YTHDF1: variants seen among roughly 807,000 people sequenced by gnomAD.
The protein encoded by YTHDF1 is YTH domain-containing family protein 1.
A neutral mutation model predicts 49.1 loss-of-function variants in YTHDF1; 16 were observed. The observed-to-expected ratio is 0.33, with a 90% CI of 0.22 to 0.49. The LOEUF (loss-of-function observed/expected upper bound fraction) is 0.49. Among genes scored for constraint, YTHDF1 ranks in the 20% least tolerant of loss-of-function variants. YTHDF1 has a pLI of 0.99. For missense variants in YTHDF1, 621 were observed against 744.3 expected (o/e 0.83, Z 1.93); for synonymous variants, 313 against 290.1 (o/e 1.08, Z -0.80).
rs544087288 is a variant in YTHDF1 at position 63,205,287 on chromosome 20, C to T, written c.133-1480G>A. Among the ~76,000 whole-genome samples the T allele has an allele frequency of 1.2e-3, 179 of 152,300 alleles. 1 individual carries two copies. Among genetic ancestry groups the T allele is most frequent in the Non-Finnish European group, 2.2e-3 (149 of 68,032 alleles). On this transcript the variant is annotated intron_variant, in intron 3 of 4. Transcript: ENST00000370339. ...ATGAGGGAGACTGTGGGATCCCAGA[C>T]AATGAAACAGGCCTGCTTCACTGGA...
chr20:63,215,776 GA>G, intron 1 of YTHDF1, 89 bp downstream of exon 1: 1 of 1,388,528 alleles, frequency 7.2e-7, no homozygotes. Flanking sequence ...CGGCCTCCGC[GA>G]CCCCGGGCTC....
At position 63,204,145 on chromosome 20, in the gene YTHDF1, C is replaced by T. The variant is rs117886238; in HGVS notation, c.133-338G>A. Reference sequence around the variant, plus strand: ...AGGAATCCAGAGGTAGAGGAGTAAACCCCTGCCTGCTGACGACAACGCTTA... The same window carrying T: ...AGGAATCCAGAGGTAGAGGAGTAAATCCCTGCCTGCTGACGACAACGCTTA... On this transcript the variant is annotated intron_variant, in intron 3 of 4. Transcript: ENST00000370339. Among the ~76,000 whole-genome samples, 1,359 of 152,300 alleles carry T rather than the reference C, an allele frequency of 8.9e-3. 11 individuals are homozygous for T. The highest frequency in any genetic ancestry group is 0.014 in the Non-Finnish European group (977 of 68,028).
chr20:63,213,577 C>T (rs990622956), intron 3 of YTHDF1, among the ~76,000 whole-genome samples: 1 of 152,164 alleles, frequency 6.6e-6, no homozygotes, highest in Non-Finnish European at 1.5e-5. Context: ...ACCTCCACTG[C>T]GTCAAAGGCA....
chr20:63,195,800 A>G lies in YTHDF1; in HGVS notation c.*908T>C, dbSNP rs1458798875. Reference sequence around the variant, plus strand: ...AAAAAGTTTTGTTTTGTTTTTACCCATTCAACAGGAAAAAAAATTAGACAC... The same window carrying G: ...AAAAAGTTTTGTTTTGTTTTTACCCGTTCAACAGGAAAAAAAATTAGACAC... On this transcript the variant is annotated 3_prime_UTR_variant, in exon 5 of 5. Coordinates refer to ENST00000370339, the MANE Select transcript of YTHDF1 (RefSeq NM_017798.4). 6.6e-6 allele frequency: 1 copy of G among 152,208 alleles called. No individual in the cohort carries two copies. The highest frequency in any genetic ancestry group is 6.5e-5 in the Admixed American group (1 of 15,274). 9.4% of individuals were successfully genotyped at this position (152,208 alleles called of 1,614,324 possible).
At chr20:63,199,933 G>A (rs545524399) in intron 4 of YTHDF1, among the ~76,000 whole-genome samples, 2 of 152,128 alleles carry the variant, frequency 1.3e-5, no homozygotes, top group African/African-American at 2.4e-5. Context: ...GGTGGTGCAC[G>A]CCTGTAGCTA....
At position 63,195,891 on chromosome 20, in the gene YTHDF1, TA is replaced by T. The variant is rs2066490292; in HGVS notation, c.*816del. The T allele has an allele frequency of 6.6e-6, 1 of 152,254 alleles. No homozygotes were observed. Among genetic ancestry groups the T allele is most frequent in the South Asian group, 2.1e-4 (1 of 4,836 alleles). The allele number at this position is 152,254 out of a possible 1,614,324, so 9.4% of individuals were successfully genotyped here. A position where few individuals can be genotyped will look rare whatever the true frequency, so the allele number is the denominator to read the frequency against. Reference sequence around the variant, plus strand: ...TGTCTGTACTACCAGATCCTACACTTAAAGCTCAGCATTATTGGTATAAAAA... The same window carrying T: ...TGTCTGTACTACCAGATCCTACACTTAAGCTCAGCATTATTGGTATAAAAA... On this transcript the variant is annotated 3_prime_UTR_variant, in exon 5 of 5. Coordinates refer to ENST00000370339, the MANE Select transcript of YTHDF1 (RefSeq NM_017798.4).
In YTHDF1 at chr20:63,203,785, C is replaced by T; in HGVS notation, c.155G>A (p.Ser52Asn). Residue 52 changes from serine to asparagine, a missense_variant, in exon 4 of 5, where the codon AGC becomes AAC. By Grantham distance (46) the Ser-to-Asn change is conservative. Transcript: ENST00000370339. The surrounding 1 kb of genome is among the most constrained non-coding windows in gnomAD (Gnocchi z 4.4). ...SNQSNSYPSM[S>N]DPYLSSYYPP... Reference sequence around the variant, plus strand: ...GTAATAGCTGGACAGGTAGGGGTCGCTCATTGAGGGGTAACTGTTACTCTG... The same window carrying T: ...GTAATAGCTGGACAGGTAGGGGTCGTTCATTGAGGGGTAACTGTTACTCTG... 6.2e-7 allele frequency: 1 copy of T among 1,606,158 alleles called. No homozygotes were observed. The highest frequency in any genetic ancestry group is 8.5e-7 in the Non-Finnish European group (1 of 1,173,428).
At chr20:63,207,693 C>T (rs1024044864) in intron 3 of YTHDF1, among the ~76,000 whole-genome samples, 1 of 151,982 alleles carries the variant, frequency 6.6e-6, no homozygotes, top group Non-Finnish European at 1.5e-5. Flanking sequence ...GGAGAACTGA[C>T]GACCTCATCG....
intron 3 of YTHDF1, among the ~76,000 whole-genome samples, chr20:63,207,441 C>G (rs1471471749): frequency 6.6e-6 from 1 of 151,912 alleles, no homozygotes; most frequent in Non-Finnish European, 1.5e-5. Flanking sequence ...TGCACTCCAG[C>G]CTGGGTGACA....
rs2066523743 is a variant in YTHDF1, at chr20:63,202,772, G to A, written c.1168C>T (p.Arg390Cys). The A allele has an allele frequency of 1.9e-6, 3 of 1,614,108 alleles. No individual in the cohort carries two copies. Among genetic ancestry groups the A allele is most frequent in the South Asian group, 1.1e-5 (1 of 91,084 alleles). Residue 390 changes from arginine to cysteine, a missense_variant, in exon 4 of 5, where the codon CGT becomes TGT. This residue lies in a region of YTHDF1 where 151 missense variants were observed against 248.5 expected (regional missense o/e 0.61). Coordinates refer to ENST00000370339, the MANE Select transcript of YTHDF1 (RefSeq NM_017798.4). Reference protein sequence around the residue: ...KEFEWNLKSGRVFIIKSYSED... With the variant: ...KEFEWNLKSGCVFIIKSYSED... ...GAGTAGCTCTTGATGATGAACACAC[G>A]CCCGCTTTTCAGATTCCACTCAAAC...
chr20:63,215,232 C>T (rs1196180855), intron 2 of YTHDF1, among the ~76,000 whole-genome samples: 1 of 152,182 alleles, frequency 6.6e-6, no homozygotes, highest in Non-Finnish European at 1.5e-5. Context: ...CTTGGACTGC[C>T]CCTCTCCTAG....
At chr20:63,212,022 GA>G (rs1430152155) in intron 3 of YTHDF1, among the ~76,000 whole-genome samples, 1 of 149,944 alleles carries the variant, frequency 6.7e-6, no homozygotes, top group Non-Finnish European at 1.5e-5. Flanking sequence ...TAAGTGTACT[GA>G]TGCAACCTCC....
Position 63,203,634 on chromosome 20 carries a change from A to G in YTHDF1, c.306T>C (p.Asp102=), listed in dbSNP as rs764478912. ...LSNGDHHFMH[D]AVFGQPGGLG... ...GGCCCCCAGGCTGCCCAAAAACAGC[A>G]TCGTGCATAAAATGATGGTCTCCGT... The change falls in exon 4 of 5, where the codon GAT becomes GAC. Residue 102 remains aspartate, a synonymous_variant. Transcript: ENST00000370339. This position sits in a 1 kb window ranked among gnomAD's most constrained non-coding sequence, Gnocchi z 4.4. The G allele has an allele frequency of 1.5e-5, 24 of 1,614,082 alleles. No homozygotes were observed. In the African/African-American group the frequency reaches 2.3e-4, roughly 15 times the overall value.
At chr20:63,213,969 A>G in intron 2 of YTHDF1, 26 bp from the exon 3 acceptor site, 12 of 1,566,544 alleles carry the variant, frequency 7.7e-6, no homozygotes, top group Non-Finnish European at 1.0e-5. Context: ...GCAAAATATT[A>G]CCCTCAAATT....
At chr20:63,215,470 C>A in intron 2 of YTHDF1, 107 bp downstream of exon 2, 1 of 1,482,412 alleles carries the variant, frequency 6.7e-7, no homozygotes, top group Non-Finnish European at 9.3e-7. Context: ...CTCCCTGAAG[C>A]TGGCGGAAGA....
At position 63,202,300 on chromosome 20, in the gene YTHDF1, T is replaced by A. The variant is rs749778238; in HGVS notation, c.1640A>T (p.Glu547Val). The change falls in exon 4 of 5, where the codon GAG (glutamate) becomes GTG (valine). Residue 547 changes from glutamate (E) to valine (V), a missense_variant. Coordinates refer to ENST00000370339, the MANE Select transcript of YTHDF1 (RefSeq NM_017798.4). ...AHYEKRQEEE[E>V]VVRKERQSRN... ...ACCCAGCCTCACCTTGCGCACCACCTCCTCCTCCTCCTGGCGCTTCTCGTA... is the reference window on the plus strand; with the variant it reads ...ACCCAGCCTCACCTTGCGCACCACCACCTCCTCCTCCTGGCGCTTCTCGTA... 41 of 1,606,110 alleles carry A rather than the reference T, an allele frequency of 2.6e-5. No individual in the cohort carries two copies. Among genetic ancestry groups the A allele is most frequent in the Non-Finnish European group, 3.5e-5 (41 of 1,175,104 alleles).
chr20:63,214,212 AG>A lies in YTHDF1; in HGVS notation c.53-270del, dbSNP rs1373464616. ...AAATCAAGTGTTAACACATAATGCA[AG>A]GAACACATAACCAGGGTGAAAACTG... On this transcript the variant is annotated intron_variant, in intron 2 of 4. Coordinates refer to ENST00000370339, the MANE Select transcript of YTHDF1 (RefSeq NM_017798.4). The A allele has an allele frequency of 5.7e-6, 4 of 703,068 alleles. No homozygotes were observed. In the African/African-American group the frequency reaches 5.8e-5, roughly 10 times the overall value. The allele number at this position is 703,068 out of a possible 1,614,324, so 43.6% of individuals were successfully genotyped here.
At chr20:63,197,932 A>C (rs1421733108) in intron 4 of YTHDF1, among the ~76,000 whole-genome samples, 2 of 152,154 alleles carry the variant, frequency 1.3e-5, no homozygotes, top group African/African-American at 2.4e-5. Context: ...GCACTGGAAT[A>C]AACACCAGCC....
At position 63,202,970 on chromosome 20, in the gene YTHDF1, G is replaced by A; in HGVS notation, c.970C>T (p.Pro324Ser). Residue 324 changes from proline to serine, a missense_variant, in exon 4 of 5, where the codon CCC becomes TCC. Transcript: ENST00000370339. The stretch of plus-strand genomic sequence containing the variant: ...CGTGGGGCAACCCAGCGGGTCTGGG[G>A]TGGCTGCTGAGGGCTCTGATACTGC... ...QPQYQSPQQP[P>S]QTRWVAPRNR... is the part of the protein sequence containing the mutation. 1 of 1,613,810 alleles carries A rather than the reference G, an allele frequency of 6.2e-7. No homozygotes were observed. Among genetic ancestry groups the A allele is most frequent in the African/African-American group, 1.3e-5 (1 of 75,076 alleles).
Sources: gnomAD v4.1 joint callset for allele counts (sites outside exome capture counted in the v4.1 genomes callset) on GRCh38, gnomAD v4.1.1 for gene constraint, gnomAD v4.1.1 regional missense constraint, Gnocchi (gnomAD v3.1) non-coding constraint, MANE v1.5 for transcripts, NCBI Gene and HGNC (gene_info 2026-07-23, HGNC 2026-07-21) for gene names.